The following ARL15 variants were observed in gnomAD, a reference collection of about 807,000 sequenced individuals.
ARL15 encodes the protein ADP-ribosylation factor-like protein 15.
ARL15 carries 19 observed loss-of-function variants against 25.2 expected under a neutral mutation model. The observed-to-expected ratio is 0.75, with a 90% CI of 0.53 to 1.10. ARL15 has a LOEUF of 1.10. Among genes scored for constraint, ARL15 ranks in the 50% least tolerant of loss-of-function variants. ARL15 has a pLI of 0.00. For missense variants in ARL15, 220 were observed against 246.0 expected, an observed-to-expected ratio of 0.89 and a Z score of 0.71; for synonymous variants, 94 against 86.8, an observed-to-expected ratio of 1.08 and a Z score of -0.46.
chr5:53,918,593 T>A (rs553924502), intron 4 of ARL15, among the ~76,000 whole-genome samples: 1 of 152,034 alleles, frequency 6.6e-6, no homozygotes, highest in South Asian at 2.1e-4. Context: ...ATCTGGGGGG[T>A]CATGCAAAAT....
intron 4 of ARL15, among the ~76,000 whole-genome samples, chr5:53,999,890 T>G (rs1160246376): frequency 6.6e-6 from 1 of 151,138 alleles, no homozygotes; most frequent in East Asian, 1.9e-4. Flanking sequence ...AGTGAAACTC[T>G]GTCTCAAAAA....
intron 3 of ARL15, among the ~76,000 whole-genome samples, chr5:54,131,898 G>A (rs1383463232): frequency 2.7e-5 from 4 of 147,790 alleles, no homozygotes; most frequent in Admixed American, 6.7e-5. Flanking sequence ...GCAAGACTCC[G>A]TCTCAAAAAA....
Position 54,308,948 on chromosome 5 carries a change from C to T in ARL15, c.48+1484G>A, listed in dbSNP as rs565366348. 3.3e-4 allele frequency among the ~76,000 whole-genome samples: 50 copies of T among 152,254 alleles called. 1 individual carries two copies. The South Asian group carries it at 0.01, about 31-fold the overall frequency. On this transcript the variant is annotated intron_variant, in intron 1 of 4. Coordinates refer to ENST00000504924, the MANE Select transcript of ARL15 (RefSeq NM_019087.3). ...CTTGGTAATTATCCCAACAAACTTT[C>T]GCTTTAATTTAGGCAGACTGCAAGA... is the stretch of plus-strand genomic sequence containing the variant.
intron 3 of ARL15, among the ~76,000 whole-genome samples, chr5:54,149,524 C>A (rs968735721): frequency 6.6e-6 from 1 of 152,118 alleles, no homozygotes; most frequent in Non-Finnish European, 1.5e-5. Context: ...AAAAGCAAAT[C>A]TTCCATAATG....
intron 4 of ARL15, among the ~76,000 whole-genome samples, chr5:54,077,826 A>T (rs156440): frequency 0.79 from 119,723 of 152,082 alleles, 47,369 homozygotes; most frequent in African/African-American, 0.8. Context: ...GGCAGCTCTA[A>T]CATGACCTGA....
Position 53,884,449 on chromosome 5 carries a change from G to A in ARL15, c.*2112C>T, listed in dbSNP as rs1325941090. The A allele has an allele frequency of 6.7e-6, 1 of 148,898 alleles. No individual in the cohort carries two copies. The highest frequency in any genetic ancestry group is 2.5e-5 in the African/African-American group (1 of 40,310). 9.2% of individuals were successfully genotyped at this position (148,898 alleles called of 1,614,324 possible). A position where few individuals can be genotyped will look rare whatever the true frequency, so the allele number is the denominator to read the frequency against. ...TTTCCAAAACATGGCAAATTCTAGG[G>A]TTACAAGGACAGGATGCCGCGCGGA... On this transcript the variant is annotated 3_prime_UTR_variant, in exon 5 of 5. Transcript: ENST00000504924.
intron 1 of ARL15, among the ~76,000 whole-genome samples, chr5:54,275,690 TA>T (rs200273962): frequency 6.5e-4 from 95 of 146,358 alleles, no homozygotes; most frequent in Non-Finnish European, 1.1e-3. Context: ...TTATTTTATT[TA>T]TTTTTTTTTT....
intron 3 of ARL15, among the ~76,000 whole-genome samples, chr5:54,140,608 T>C (rs943360983): frequency 3.3e-5 from 5 of 152,184 alleles, no homozygotes; most frequent in Admixed American, 1.3e-4. Flanking sequence ...TATTTATGTT[T>C]TACCCGCTTG....
At chr5:54,074,658 G>C (rs976395376) in intron 4 of ARL15, among the ~76,000 whole-genome samples, 1 of 152,110 alleles carries the variant, frequency 6.6e-6, no homozygotes, top group African/African-American at 2.4e-5. Context: ...CATGTTTTCA[G>C]AACTGTCAGT....
At chr5:54,191,128 A>G (rs775310747) in intron 1 of ARL15, among the ~76,000 whole-genome samples, 3 of 152,196 alleles carry the variant, frequency 2.0e-5, no homozygotes, top group Non-Finnish European at 4.4e-5. Context: ...ATTTAGCTAT[A>G]AAAAGGAAGG....
At chr5:54,226,680 C>T (rs1175357581) in intron 1 of ARL15, among the ~76,000 whole-genome samples, 1 of 152,068 alleles carries the variant, frequency 6.6e-6, no homozygotes, top group Non-Finnish European at 1.5e-5. Flanking sequence ...TGAGTAAAAC[C>T]TTTAAAATCC....
chr5:54,188,728 T>C (rs1325224145), intron 1 of ARL15, among the ~76,000 whole-genome samples: 1 of 152,150 alleles, frequency 6.6e-6, no homozygotes, highest in Non-Finnish European at 1.5e-5. Flanking sequence ...ATTCTGCACA[T>C]ATTAAAATAA....
At chr5:54,242,036 G>A (rs1164769729) in intron 1 of ARL15, among the ~76,000 whole-genome samples, 1 of 152,098 alleles carries the variant, frequency 6.6e-6, no homozygotes, top group African/African-American at 2.4e-5. Flanking sequence ...ACTGCACACA[G>A]CCTGGGTAAA....
intron 1 of ARL15, among the ~76,000 whole-genome samples, chr5:54,274,914 C>A (rs1054833892): frequency 6.6e-6 from 1 of 152,128 alleles, no homozygotes; most frequent in Non-Finnish European, 1.5e-5. Flanking sequence ...TTTATAAACT[C>A]TCATTTCCTA....
At chr5:54,085,918 C>CT (rs112018609) in intron 4 of ARL15, among the ~76,000 whole-genome samples, 24,522 of 142,954 alleles carry the variant, frequency 0.17, 2,345 homozygotes, top group African/African-American at 0.27. Context: ...CACACATGAG[C>CT]TTTTTTTTTT....
At chr5:54,068,947 A>T (rs1211536527) in intron 4 of ARL15, among the ~76,000 whole-genome samples, 1 of 152,234 alleles carries the variant, frequency 6.6e-6, no homozygotes, top group African/African-American at 2.4e-5. Context: ...GCAAAGCAGA[A>T]TAGTACCTAA....
At chr5:54,222,316 T>C (rs1040675212) in intron 1 of ARL15, among the ~76,000 whole-genome samples, 4 of 152,182 alleles carry the variant, frequency 2.6e-5, no homozygotes, top group Admixed American at 2.0e-4. Flanking sequence ...TGGCACTGTG[T>C]TTCAAAAGGA....
At chr5:54,085,799 C>T (rs76205069) in intron 4 of ARL15, among the ~76,000 whole-genome samples, 5,384 of 152,132 alleles carry the variant, frequency 0.035, 339 homozygotes, top group African/African-American at 0.12. Context: ...TGGTCAGCGC[C>T]ATAGGTGGTA....
chr5:54,181,449 C>T (rs914869461), intron 1 of ARL15, among the ~76,000 whole-genome samples: 1 of 152,118 alleles, frequency 6.6e-6, no homozygotes, highest in Non-Finnish European at 1.5e-5. Flanking sequence ...CAAAGTAATA[C>T]AATTTAAAGG....
Sources: gnomAD v4.1 joint callset for allele counts (sites outside exome capture counted in the v4.1 genomes callset) on GRCh38, gnomAD v4.1.1 for gene constraint, MANE v1.5 for transcripts, NCBI Gene and HGNC (gene_info 2026-07-23, HGNC 2026-07-21) for gene names.